Variants in TRMT9B observed in about 807,000 individuals in gnomAD.
The protein encoded by TRMT9B is probable tRNA methyltransferase 9B.
A neutral mutation model predicts 11.5 loss-of-function variants in TRMT9B; 16 were observed. The ratio of observed to expected loss-of-function variants is 1.39; its 90% CI spans 0.94 to 2.11. The LOEUF (loss-of-function observed/expected upper bound fraction) is 2.11, where lower values mean the gene tolerates loss of function less well. Among genes scored for constraint, TRMT9B ranks in the 30% most tolerant of loss-of-function variants. The probability of loss-of-function intolerance (pLI) is 0.00; values close to 1 mark genes in which losing one functional copy is unlikely to be tolerated. For synonymous variants in TRMT9B, 274 were observed against 192.4 expected (o/e 1.42, Z -3.51); for missense variants, 941 against 553.8 (o/e 1.70, Z -7.02).
At chr8:12,973,803 A>G (rs1318250339) in intron 1 of TRMT9B, among the ~76,000 whole-genome samples, 1 of 152,160 alleles carries the variant, frequency 6.6e-6, no homozygotes, top group Non-Finnish European at 1.5e-5. Flanking sequence ...ATGAATGAGA[A>G]CAGCCTTTAG....
intron 2 of TRMT9B, among the ~76,000 whole-genome samples, chr8:13,005,251 A>G (rs1563407976): frequency 6.6e-6 from 1 of 152,152 alleles, no homozygotes; most frequent in Non-Finnish European, 1.5e-5. Context: ...AATTGAACTC[A>G]TGGTTATAGA....
chr8:12,951,705 G>A (rs1800639655), intron 1 of TRMT9B: 1 of 152,008 alleles, frequency 6.6e-6, no homozygotes, highest in African/African-American at 2.4e-5. Context: ...AGGCGGCCCG[G>A]GGAGGCGGGG....
rs748495575 is a variant in TRMT9B at position 12,956,699 on chromosome 8, G to T, written c.-200+10733G>T. Among the ~76,000 whole-genome samples the T allele has an allele frequency of 3.3e-5, 5 of 152,222 alleles. No individual in the cohort carries two copies. The East Asian group carries it at 9.6e-4, about 29-fold the overall frequency. On this transcript the variant is annotated intron_variant, in intron 1 of 4. Transcript: ENST00000524591. ...TAGATGAATTATCTGTGTTTTTCCC[G>T]AATCTTTCTCTCCCCTGTAACTTTC...
intron 2 of TRMT9B, among the ~76,000 whole-genome samples, chr8:13,004,492 G>T (rs1200722541): frequency 6.6e-6 from 1 of 151,850 alleles, no homozygotes; most frequent in Non-Finnish European, 1.5e-5. Context: ...CGGTAGGATA[G>T]GGCCCAGGCA....
At position 13,006,261 on chromosome 8, in the gene TRMT9B, C is replaced by G. The variant is rs369746383; in HGVS notation, c.59C>G (p.Thr20Arg). Residue 20 changes from threonine to arginine, a missense_variant, in exon 3 of 5, where the codon ACA (threonine) becomes AGA (arginine). Coordinates refer to ENST00000524591, the MANE Select transcript of TRMT9B (RefSeq NM_020844.3). ...CATGTGCACAATGTGTACGAGAGCA[C>G]AGCCCCTTACTTCAGCGACCTGCAG... ...KQHVHNVYES[T>R]APYFSDLQSK... 6 of 1,613,896 alleles carry G rather than the reference C, an allele frequency of 3.7e-6. No individual in the cohort carries two copies. In the African/African-American group the frequency reaches 8.0e-5, roughly 22 times the overall value.
intron 1 of TRMT9B, among the ~76,000 whole-genome samples, chr8:12,957,642 G>A (rs33997560): frequency 0.44 from 66,267 of 151,894 alleles, 14,966 homozygotes; most frequent in Middle Eastern, 0.58. Context: ...GAATACAGAA[G>A]CATAAATGGA....
intron 1 of TRMT9B, among the ~76,000 whole-genome samples, chr8:12,959,287 C>T (rs1216053315): frequency 6.6e-6 from 1 of 152,118 alleles, no homozygotes; most frequent in Non-Finnish European, 1.5e-5. Flanking sequence ...GGAAAAATCC[C>T]ACACCTGACT....
chr8:13,002,029 T>G (rs893297526), intron 2 of TRMT9B, among the ~76,000 whole-genome samples: 2 of 152,224 alleles, frequency 1.3e-5, no homozygotes, highest in Non-Finnish European at 2.9e-5. Context: ...GCATTTAAAA[T>G]TTAAATCTGC....
At chr8:12,989,772 G>A (rs1430934721) in intron 1 of TRMT9B, among the ~76,000 whole-genome samples, 8 of 152,184 alleles carry the variant, frequency 5.3e-5, no homozygotes, top group Admixed American at 5.2e-4. Context: ...AATTAAGGTA[G>A]GCTCTAAAAT....
chr8:12,983,767 G>C (rs2128874512), intron 1 of TRMT9B, among the ~76,000 whole-genome samples: 1 of 152,118 alleles, frequency 6.6e-6, no homozygotes, highest in Admixed American at 6.5e-5. Context: ...GTTGCTTCTT[G>C]CCTCAAAAAA....
At position 13,021,913 on chromosome 8, in the gene TRMT9B, T is replaced by G. The variant is rs1324398943; in HGVS notation, c.1234T>G (p.Tyr412Asp). The G allele has an allele frequency of 6.2e-7, 1 of 1,613,814 alleles. No individual in the cohort carries two copies. The highest frequency in any genetic ancestry group is 1.1e-5 in the South Asian group (1 of 91,070). Residue 412 changes from tyrosine (Y) to aspartate (D), a missense_variant, in exon 5 of 5, where the codon TAC becomes GAC. Physicochemically the swap from Tyr to Asp is radical, Grantham distance 160. Transcript: ENST00000524591. ...GGACTCCACAGCCTTTATGCGCTAC[T>G]ACCATGTGTTTCGAGAAGGGGAGCT... Reference protein sequence around the residue: ...VLDSTAFMRYYHVFREGELCS... With the variant: ...VLDSTAFMRYDHVFREGELCS...
intron 2 of TRMT9B, among the ~76,000 whole-genome samples, chr8:13,005,101 G>A (rs76303942): frequency 0.015 from 2,234 of 145,788 alleles, 63 homozygotes; most frequent in African/African-American, 0.055. Flanking sequence ...AAAAAAAAAA[G>A]AAAAAGAAAA....
At chr8:13,017,369 C>G (rs550616523) in intron 4 of TRMT9B, among the ~76,000 whole-genome samples, 1 of 152,250 alleles carries the variant, frequency 6.6e-6, no homozygotes, top group East Asian at 1.9e-4. Context: ...ACTGTCTGGG[C>G]TCTCAGCAGG....
chr8:12,969,856 T>A (rs987436357), intron 1 of TRMT9B: 13 of 150,236 alleles, frequency 8.7e-5, no homozygotes, highest in Admixed American at 6.6e-5. Context: ...ATTTTTTTTT[T>A]TTTTTTTTTT....
At chr8:13,019,269 G>T (rs541770071) in intron 4 of TRMT9B, among the ~76,000 whole-genome samples, 106 of 152,268 alleles carry the variant, frequency 7.0e-4, no homozygotes, top group African/African-American at 2.0e-3. Flanking sequence ...ACATATGGGA[G>T]ATACATTTAT....
At position 13,021,179 on chromosome 8, in the gene TRMT9B, A is replaced by G. The variant is rs370792789; in HGVS notation, c.500A>G (p.Gln167Arg). 2.5e-6 allele frequency: 4 copies of G among 1,613,868 alleles called. No homozygotes were observed. Among genetic ancestry groups the G allele is most frequent in the Non-Finnish European group, 3.4e-6 (4 of 1,179,820 alleles). The change falls in exon 5 of 5, where the codon CAG becomes CGG. Residue 167 changes from glutamine to arginine, a missense_variant. Coordinates refer to ENST00000524591, the MANE Select transcript of TRMT9B (RefSeq NM_020844.3). ...CCATGGAACAGGGCTCTGTGTTCCC[A>G]GCTCTTCTCAGAGTCCAGCCAGTCT... ...LVPWNRALCS[Q>R]LFSESSQSGR...
At chr8:12,988,879 G>C (rs1218524453) in intron 1 of TRMT9B, among the ~76,000 whole-genome samples, 2 of 150,708 alleles carry the variant, frequency 1.3e-5, no homozygotes, top group Non-Finnish European at 3.0e-5. Flanking sequence ...AATCACATTA[G>C]CTCAGGATGT....
chr8:13,020,797 T>C (rs527672722), intron 4 of TRMT9B, among the ~76,000 whole-genome samples: 1 of 152,336 alleles, frequency 6.6e-6, no homozygotes, highest in South Asian at 2.1e-4. Context: ...ATCAGCCATC[T>C]AATATTAAAA....
chr8:12,969,031 G>A (rs1803211563), intron 1 of TRMT9B, among the ~76,000 whole-genome samples: 1 of 152,284 alleles, frequency 6.6e-6, no homozygotes, highest in South Asian at 2.1e-4. Context: ...GATCAACATG[G>A]TGAAACCCCA....
Sources: allele counts gnomAD v4.1 joint callset (sites outside exome capture counted in the v4.1 genomes callset), GRCh38; gene constraint gnomAD v4.1.1; transcripts MANE v1.5; gene names NCBI Gene and HGNC (gene_info 2026-07-23, HGNC 2026-07-21).